DOCK1: variants seen among roughly 807,000 people sequenced by gnomAD.
DOCK1 encodes dedicator of cytokinesis 1.
In DOCK1, 138 loss-of-function variants were observed where a neutral mutation model predicts 262.7. That is an observed-to-expected ratio of 0.53 (90% CI 0.46 to 0.61). The LOEUF (loss-of-function observed/expected upper bound fraction) is 0.61. Among genes scored for constraint, DOCK1 ranks in the 20% least tolerant of loss-of-function variants. The probability of loss-of-function intolerance (pLI) is 0.00; values close to 1 mark genes in which losing one functional copy is unlikely to be tolerated. For missense variants in DOCK1, 1,908 were observed against 2,370.7 expected (o/e 0.80, Z 4.05); for synonymous variants, 866 against 867.4 (o/e 1.00, Z 0.03).
intron 38 of DOCK1, among the ~76,000 whole-genome samples, chr10:127,387,118 C>T (rs1303383910): frequency 6.6e-6 from 1 of 152,200 alleles, no homozygotes; most frequent in Non-Finnish European, 1.5e-5. Context: ...AAGGAATGTG[C>T]GCATTTGTTG....
chr10:126,920,148 G>A lies in DOCK1; in HGVS notation c.46+14585G>A, dbSNP rs544403402. 3.9e-5 allele frequency among the ~76,000 whole-genome samples: 6 copies of A among 152,278 alleles called. No individual in the cohort carries two copies. The South Asian group carries it at 6.2e-4, about 16-fold the overall frequency. On this transcript the variant is annotated intron_variant, in intron 1 of 51. Coordinates refer to ENST00000623213, the MANE Select transcript of DOCK1 (RefSeq NM_001290223.2). ...TGTCCATGCTGGATAAATATGTGGCGATGTTGGTGGGTTGGGCAAGTCAGT... is the reference window on the plus strand; with the variant it reads ...TGTCCATGCTGGATAAATATGTGGCAATGTTGGTGGGTTGGGCAAGTCAGT...
chr10:126,925,258 A>C (rs1001414075), intron 1 of DOCK1, among the ~76,000 whole-genome samples: 1 of 152,260 alleles, frequency 6.6e-6, no homozygotes, highest in African/African-American at 2.4e-5. Context: ...TTATTTATGC[A>C]CACACACATA....
chr10:127,243,823 C>T (rs2059345361), intron 27 of DOCK1, among the ~76,000 whole-genome samples: 1 of 152,106 alleles, frequency 6.6e-6, no homozygotes, highest in African/African-American at 2.4e-5. Context: ...GGATCCTTTT[C>T]TTTCTGGACC....
In DOCK1 at chr10:127,111,610, T is replaced by C. The variant is rs12262829; in HGVS notation, c.2623+1256T>C. On this transcript the variant is annotated intron_variant, in intron 25 of 51. Coordinates refer to ENST00000623213, the MANE Select transcript of DOCK1 (RefSeq NM_001290223.2). ...AAGGAAAGGCTGATGATAGAGGTGA[T>C]GGCCAGGCACCCTGCTTCAGGGTTT... Among the ~76,000 whole-genome samples the C allele has an allele frequency of 6.6e-3, 1,004 of 152,290 alleles. 6 individuals are homozygous for C. Among genetic ancestry groups the C allele is most frequent in the Admixed American group, 0.012 (179 of 15,286 alleles).
At chr10:127,244,540 C>T (rs145319816) in intron 27 of DOCK1, among the ~76,000 whole-genome samples, 54 of 152,306 alleles carry the variant, frequency 3.5e-4, no homozygotes, top group African/African-American at 1.3e-3. Context: ...TCCCTGCACC[C>T]TTGCTCACAT....
intron 27 of DOCK1, among the ~76,000 whole-genome samples, chr10:127,157,570 T>C (rs767765214): frequency 1.6e-4 from 25 of 152,216 alleles, no homozygotes; most frequent in Non-Finnish European, 2.9e-4. Flanking sequence ...CCCAGCCCAA[T>C]TCACCAATTC....
In DOCK1 at chr10:127,010,897, T is replaced by C. The variant is rs74161521; in HGVS notation, c.1059-1335T>C. 3.6e-3 allele frequency among the ~76,000 whole-genome samples: 550 copies of C among 152,344 alleles called. 6 individuals carry two copies. The highest frequency in any genetic ancestry group is 0.013 in the African/African-American group (522 of 41,574). On this transcript the variant is annotated intron_variant, in intron 11 of 51. Coordinates refer to ENST00000623213, the MANE Select transcript of DOCK1 (RefSeq NM_001290223.2). ...CCCAGATGTAACACTAAGTTGAAAT[T>C]ACCTGTTGCCTGCTAGTGTCCTCTG...
At chr10:127,393,454 G>A (rs904861930) in intron 38 of DOCK1, among the ~76,000 whole-genome samples, 5 of 152,114 alleles carry the variant, frequency 3.3e-5, no homozygotes, top group South Asian at 2.1e-4. Flanking sequence ...AGCTTCCTAC[G>A]GGAAATAGGG....
intron 1 of DOCK1, among the ~76,000 whole-genome samples, chr10:126,919,235 G>A (rs1463796358): frequency 6.6e-6 from 1 of 152,128 alleles, no homozygotes; most frequent in Non-Finnish European, 1.5e-5. Flanking sequence ...CTGGAATAAA[G>A]GCACTTATCA....
At chr10:127,031,860 T>A in intron 17 of DOCK1, 107 bp downstream of exon 17, 1 of 1,021,604 alleles carries the variant, frequency 9.8e-7, no homozygotes, top group Non-Finnish European at 1.5e-6. Context: ...AGCTGCTATC[T>A]AGCTACATTT....
intron 1 of DOCK1, among the ~76,000 whole-genome samples, chr10:126,924,787 C>T (rs1047930330): frequency 2.6e-5 from 4 of 152,182 alleles, no homozygotes; most frequent in Admixed American, 2.0e-4. Context: ...TATAGACAGG[C>T]ACTTAAAGGT....
intron 23 of DOCK1, among the ~76,000 whole-genome samples, chr10:127,094,369 A>T (rs1000348130): frequency 6.6e-6 from 1 of 152,130 alleles, no homozygotes; most frequent in Non-Finnish European, 1.5e-5. Context: ...TGGGAGTGGA[A>T]GGGGTATGCC....
At chr10:126,948,147 GTGA>G (rs1461421614) in intron 1 of DOCK1, among the ~76,000 whole-genome samples, 3 of 90,052 alleles carry the variant, frequency 3.3e-5, no homozygotes, top group Admixed American at 2.2e-4. Context: ...ACTGTTGGTG[GTGA>G]TGGTGGTGGT....
intron 27 of DOCK1, among the ~76,000 whole-genome samples, chr10:127,199,511 A>T (rs2057360645): frequency 6.6e-6 from 1 of 152,220 alleles, no homozygotes; most frequent in African/African-American, 2.4e-5. Context: ...CTAGACAGCA[A>T]CCCAAAAGCA....
At chr10:127,063,821 C>T (rs949222437) in intron 23 of DOCK1, among the ~76,000 whole-genome samples, 4 of 152,198 alleles carry the variant, frequency 2.6e-5, no homozygotes, top group East Asian at 1.9e-4. Context: ...GACTAGGGAC[C>T]GGGAAGACCA....
chr10:127,013,014 G>A (rs1159439587), intron 12 of DOCK1, among the ~76,000 whole-genome samples: 1 of 152,334 alleles, frequency 6.6e-6, no homozygotes, highest in Non-Finnish European at 1.5e-5. Context: ...CAGACTGCCC[G>A]TAAACGCGGT....
At chr10:127,173,880 A>G (rs947399700) in intron 27 of DOCK1, among the ~76,000 whole-genome samples, 4 of 152,156 alleles carry the variant, frequency 2.6e-5, no homozygotes, top group African/African-American at 9.7e-5. Flanking sequence ...TACTGTTAAG[A>G]TTTTTGTACA....
chr10:127,429,954 A>G lies in DOCK1; in HGVS notation c.4915-3329A>G, dbSNP rs75087311. Among the ~76,000 whole-genome samples, 299 of 152,342 alleles carry G rather than the reference A, an allele frequency of 2.0e-3. 8 individuals are homozygous for G. In the East Asian group the frequency reaches 0.04, roughly 21 times the overall value. ...TTCATCTACCTCTTCAAGTCCGATTAGGAGCAGGGAAATTGATCCTGGTTC... is the reference window on the plus strand; with the variant it reads ...TTCATCTACCTCTTCAAGTCCGATTGGGAGCAGGGAAATTGATCCTGGTTC... On this transcript the variant is annotated intron_variant, in intron 47 of 51. Coordinates refer to ENST00000623213, the MANE Select transcript of DOCK1 (RefSeq NM_001290223.2).
At chr10:127,090,146 G>T (rs1372600780) in intron 23 of DOCK1, among the ~76,000 whole-genome samples, 2 of 151,984 alleles carry the variant, frequency 1.3e-5, no homozygotes, top group African/African-American at 4.8e-5. Context: ...TTTTTTCCTG[G>T]GCAGGTTCTA....
Sources: allele counts gnomAD v4.1 joint callset (sites outside exome capture counted in the v4.1 genomes callset), GRCh38; gene constraint gnomAD v4.1.1; transcripts MANE v1.5; gene names NCBI Gene and HGNC (gene_info 2026-07-23, HGNC 2026-07-21).